Variants in MYO3A observed in about 807,000 individuals in gnomAD.
MYO3A encodes myosin IIIA.
A neutral mutation model predicts 192.7 loss-of-function variants in MYO3A; 180 were observed. The ratio of observed to expected loss-of-function variants is 0.93; its 90% CI spans 0.83 to 1.06. The LOEUF (loss-of-function observed/expected upper bound fraction) is 1.06, where lower values mean the gene tolerates loss of function less well. MYO3A is among the 50% of genes least tolerant of loss of function. The pLI is 0.00. For synonymous variants in MYO3A, 628 were observed against 645.3 expected, an observed-to-expected ratio of 0.97 and a Z score of 0.41; for missense variants, 1,896 against 1,905.0, an observed-to-expected ratio of 1.00 and a Z score of 0.09.
intron 32 of MYO3A, among the ~76,000 whole-genome samples, chr10:26,196,618 G>C (rs1302879353): frequency 6.6e-6 from 1 of 152,160 alleles, no homozygotes; most frequent in African/African-American, 2.4e-5. Flanking sequence ...ATTACACATA[G>C]TGAAAAGTGT....
At chr10:26,040,837 C>T (rs1171724177) in intron 10 of MYO3A, among the ~76,000 whole-genome samples, 1 of 151,988 alleles carries the variant, frequency 6.6e-6, no homozygotes, top group Admixed American at 6.5e-5. Flanking sequence ...TGAGAATTAC[C>T]CATGTGCTGA....
At chr10:25,985,237 CA>C (rs1157598256) in intron 4 of MYO3A, among the ~76,000 whole-genome samples, 9,578 of 79,794 alleles carry the variant, frequency 0.12, 274 homozygotes, top group African/African-American at 0.18. Context: ...GACTCTGTCT[CA>C]AAAAAAAAAA....
chr10:26,202,231 T>C (rs1377279707), intron 33 of MYO3A, among the ~76,000 whole-genome samples: 3 of 152,248 alleles, frequency 2.0e-5, no homozygotes, highest in South Asian at 2.1e-4. Flanking sequence ...CAGTTCTTTA[T>C]TTCTGAATCA....
At chr10:25,979,127 C>T (rs1839140264) in intron 4 of MYO3A, among the ~76,000 whole-genome samples, 1 of 152,184 alleles carries the variant, frequency 6.6e-6, no homozygotes, top group Non-Finnish European at 1.5e-5. Flanking sequence ...AAGAGAGCAA[C>T]TCACTGCATT....
intron 18 of MYO3A, among the ~76,000 whole-genome samples, chr10:26,122,677 T>G (rs1377412629): frequency 6.6e-6 from 1 of 152,054 alleles, no homozygotes; most frequent in East Asian, 1.9e-4. Context: ...GCTCTCTCAG[T>G]CTCCCCCTTT....
chr10:26,008,929 G>A (rs113834274), intron 6 of MYO3A, among the ~76,000 whole-genome samples: 3,448 of 151,624 alleles, frequency 0.023, 66 homozygotes, highest in Non-Finnish European at 0.037. Flanking sequence ...ACATGCACAC[G>A]TATGTTTATT....
rs989361782 is a variant in MYO3A, at chr10:25,935,772, A to G, written c.-76A>G. ...CAGGGCCCCAGTGCAGCCTGGACAC[A>G]GTATTCAAAGTTTTGGCGTCTGAGC... On this transcript the variant is annotated 5_prime_UTR_variant, in exon 2 of 35. Transcript: ENST00000642920. 1 of 152,232 alleles carries G rather than the reference A, an allele frequency of 6.6e-6. No homozygotes were observed. The highest frequency in any genetic ancestry group is 1.5e-5 in the Non-Finnish European group (1 of 68,032). The allele number at this position is 152,232 out of a possible 1,614,324, so 9.4% of individuals were successfully genotyped here. A position where few individuals can be genotyped will look rare whatever the true frequency, so the allele number is the denominator to read the frequency against.
At chr10:26,069,426 C>T (rs1189017506) in intron 12 of MYO3A, among the ~76,000 whole-genome samples, 1 of 151,950 alleles carries the variant, frequency 6.6e-6, no homozygotes, top group Admixed American at 6.6e-5. Flanking sequence ...GAATACTATT[C>T]TGGAATTAAA....
chr10:26,192,587 A>C (rs533747853), intron 31 of MYO3A, among the ~76,000 whole-genome samples: 1 of 150,676 alleles, frequency 6.6e-6, no homozygotes, highest in East Asian at 1.9e-4. Flanking sequence ...ATTCAATTCC[A>C]CGTGACCAAA....
intron 10 of MYO3A, among the ~76,000 whole-genome samples, chr10:26,041,480 T>C (rs1370235611): frequency 6.6e-6 from 1 of 152,054 alleles, no homozygotes; most frequent in Non-Finnish European, 1.5e-5. Context: ...GTTTTCTAGT[T>C]GTTTTGTGGT....
At chr10:26,173,055 G>C (rs1364286496) in intron 29 of MYO3A, among the ~76,000 whole-genome samples, 1 of 140,142 alleles carries the variant, frequency 7.1e-6, no homozygotes, top group South Asian at 2.3e-4. Flanking sequence ...CCTTTGGCTA[G>C]AAAAAAAAAA....
intron 10 of MYO3A, among the ~76,000 whole-genome samples, chr10:26,059,461 G>T (rs1464066370): frequency 3.3e-5 from 5 of 151,990 alleles, no homozygotes; most frequent in Non-Finnish European, 7.4e-5. Context: ...TTACTTTTTA[G>T]CCTATTGATG....
chr10:26,053,759 C>T (rs932998161), intron 10 of MYO3A, among the ~76,000 whole-genome samples: 1 of 151,710 alleles, frequency 6.6e-6, no homozygotes, highest in Admixed American at 6.6e-5. Context: ...TGGGAGGTGA[C>T]GTTTGCAGTG....
chr10:25,956,517 T>G (rs12761337), intron 4 of MYO3A, among the ~76,000 whole-genome samples: 5 of 131,316 alleles, frequency 3.8e-5, no homozygotes, highest in African/African-American at 1.2e-4. Flanking sequence ...TTTTTTTTTG[T>G]ATTTTTAGTA....
At chr10:25,943,751 TTAA>T (rs1836650696) in intron 2 of MYO3A, among the ~76,000 whole-genome samples, 1 of 144,786 alleles carries the variant, frequency 6.9e-6, no homozygotes, top group Non-Finnish European at 1.5e-5. Context: ...GCTGAATTCA[TTAA>T]TTAGTTCTAA....
In MYO3A at chr10:26,166,174, C is replaced by T. The variant is rs371810126; in HGVS notation, c.3107C>T (p.Thr1036Ile). 2 of 1,606,360 alleles carry T rather than the reference C, an allele frequency of 1.2e-6. No individual in the cohort carries two copies. Among genetic ancestry groups the T allele is most frequent in the African/African-American group, 1.3e-5 (1 of 74,874 alleles). The change falls in exon 27 of 35, where the codon ACA (threonine) becomes ATA (isoleucine). Residue 1036 changes from threonine to isoleucine, a missense_variant. Transcript: ENST00000642920. The stretch of plus-strand genomic sequence containing the variant: ...CTCGATAACTGGGCTCTTGGAAAAA[C>T]AAAAGTAATGTTTTCATGTAATTTT... ...AGLDNWALGK[T>I]KVFLKYYHVE...
intron 32 of MYO3A, among the ~76,000 whole-genome samples, chr10:26,198,542 T>G (rs868615506): frequency 2.6e-5 from 4 of 152,234 alleles, no homozygotes; most frequent in Admixed American, 2.6e-4. Context: ...TCTTCCTAAC[T>G]TCAACGTTTA....
At chr10:26,056,929 T>A (rs984925799) in intron 10 of MYO3A, among the ~76,000 whole-genome samples, 3 of 150,840 alleles carry the variant, frequency 2.0e-5, no homozygotes, top group Non-Finnish European at 4.4e-5. Context: ...GTAGAGATAA[T>A]TGAGGTGAGG....
chr10:26,204,433 C>A (rs972137073), intron 34 of MYO3A: 1 of 152,226 alleles, frequency 6.6e-6, no homozygotes, highest in Non-Finnish European at 1.5e-5. Context: ...CTGAAATACT[C>A]CTGATGTAGA....
Sources: gnomAD v4.1 joint callset for allele counts (sites outside exome capture counted in the v4.1 genomes callset) on GRCh38, gnomAD v4.1.1 for gene constraint, MANE v1.5 for transcripts, NCBI Gene and HGNC (gene_info 2026-07-23, HGNC 2026-07-21) for gene names.